Variants in POLR2D observed in about 807,000 individuals in gnomAD.
POLR2D encodes DNA-directed RNA polymerase II subunit RPB4.
POLR2D carries 10 observed loss-of-function variants against 17.6 expected under a neutral mutation model. The observed-to-expected ratio is 0.57, with a 90% confidence interval of 0.35 to 0.96. The LOEUF is 0.96. Ranked by LOEUF, POLR2D falls within the 40% of genes least tolerant of loss-of-function variation. The pLI, the probability that POLR2D is intolerant of heterozygous loss-of-function variation, is 0.02. For missense variants in POLR2D, 126 were observed against 176.4 expected, an observed-to-expected ratio of 0.71 and a Z score of 1.62; for synonymous variants, 52 against 60.2, an observed-to-expected ratio of 0.86 and a Z score of 0.63.
rs1268955916 is a variant in POLR2D, at chr2:127,850,696, G to T, written c.255-11C>A. ...TTCTGGAGTAGCAAGCTAATCAAAA[G>T]GAAAAAAAAAAAATCAAAATAATCA... On this transcript the variant is annotated splice_polypyrimidine_tract_variant and intron_variant, in intron 2 of 3. Transcript: ENST00000272645. The T allele has an allele frequency of 3.3e-6, 4 of 1,204,770 alleles. No homozygotes were observed. Among genetic ancestry groups the T allele is most frequent in the South Asian group, 1.5e-5 (1 of 68,218 alleles). 74.6% of individuals were successfully genotyped at this position (1,204,770 alleles called of 1,614,324 possible).
chr2:127,849,823 A>G (rs1690220984), intron 3 of POLR2D, among the ~76,000 whole-genome samples: 1 of 151,926 alleles, frequency 6.6e-6, no homozygotes, highest in African/African-American at 2.4e-5. Context: ...AGGCAGGCAG[A>G]TCACTTGAGG....
rs1573520064 is a variant in POLR2D at position 127,853,223 on chromosome 2, C to G, written c.74-118G>C. On this transcript the variant is annotated intron_variant, in intron 1 of 3. Transcript: ENST00000272645. ...TGCAGAAATCGAGGGGTTTCCTACT[C>G]CACATCTGCTTTTTTTTGAACTTTT... The G allele has an allele frequency of 2.3e-5, 18 of 779,838 alleles. No individual in the cohort carries two copies. In the East Asian group the frequency reaches 4.5e-4, roughly 20 times the overall value. The allele number at this position is 779,838 out of a possible 1,614,324, so 48.3% of individuals were successfully genotyped here.
In POLR2D at chr2:127,847,067, T is replaced by C. The variant is rs1690169923; in HGVS notation, c.*1040A>G. ...GTTGTGGACCTCTTTGGCACGACCA[T>C]TGCTTCTTCTTTGTTATCTTGGAGG... On this transcript the variant is annotated 3_prime_UTR_variant, in exon 4 of 4. Coordinates refer to ENST00000272645, the MANE Select transcript of POLR2D (RefSeq NM_004805.4). 1 of 152,552 alleles carries C rather than the reference T, an allele frequency of 6.6e-6. No homozygotes were observed. Among genetic ancestry groups the C allele is most frequent in the Admixed American group, 6.5e-5 (1 of 15,276 alleles). The allele number at this position is 152,552 out of a possible 1,614,324, so 9.4% of individuals were successfully genotyped here.
At position 127,858,017 on chromosome 2, in the gene POLR2D, C is replaced by T; in HGVS notation, c.73+11G>A. The T allele has an allele frequency of 1.9e-6, 3 of 1,577,800 alleles. No homozygotes were observed. Among genetic ancestry groups the T allele is most frequent in the Non-Finnish European group, 2.6e-6 (3 of 1,164,724 alleles). On this transcript the variant is annotated intron_variant, in intron 1 of 3. Transcript: ENST00000272645. ...AGTGGCGCGGGGGAGTCTGGCAGCC[C>T]CGAGCCCAACCTTTAGGAAAGATGA...
chr2:127,850,898 C>T (rs2104723723), intron 2 of POLR2D, among the ~76,000 whole-genome samples: 1 of 152,186 alleles, frequency 6.6e-6, no homozygotes, highest in South Asian at 2.1e-4. Context: ...CCAGCCTGAG[C>T]ACCATGGCGA....
intron 1 of POLR2D, among the ~76,000 whole-genome samples, 175 bp from the exon 2 acceptor site, chr2:127,853,280 T>C (rs1356199681): frequency 6.6e-6 from 1 of 152,232 alleles, no homozygotes; most frequent in Non-Finnish European, 1.5e-5. Flanking sequence ...TGCAGGTCTG[T>C]ACTACAGGGA....
intron 3 of POLR2D, 140 bp downstream of exon 3, chr2:127,850,440 CAAAAAAAAAA>C (rs60975701): frequency 5.3e-4 from 57 of 108,468 alleles, no homozygotes; most frequent in African/African-American, 3.2e-3. Context: ...AACTCCGTCT[CAAAAAAAAAA>C]AAAAAAAAAA....
At chr2:127,853,765 G>A (rs773240823) in intron 1 of POLR2D, among the ~76,000 whole-genome samples, 34 of 152,044 alleles carry the variant, frequency 2.2e-4, no homozygotes, top group Non-Finnish European at 3.7e-4. Flanking sequence ...TGCCCAGGCT[G>A]GGATCTCCTT....
In POLR2D at chr2:127,848,026, G is replaced by T; in HGVS notation, c.*81C>A. 1.0e-6 allele frequency: 1 copy of T among 966,234 alleles called. No homozygotes were observed. The highest frequency in any genetic ancestry group is 1.7e-6 in the Non-Finnish European group (1 of 592,094). 59.9% of individuals were successfully genotyped at this position (966,234 alleles called of 1,614,324 possible). A position where few individuals can be genotyped will look rare whatever the true frequency, so the allele number is the denominator to read the frequency against. ...CTCAACTGTCTTCAACAGAATTTCT[G>T]TGCAAGTCAGCCCCAGACAGTGGGA... On this transcript the variant is annotated 3_prime_UTR_variant, in exon 4 of 4. Transcript: ENST00000272645.
chr2:127,852,089 A>G lies in POLR2D; in HGVS notation c.254+836T>C, dbSNP rs1216946399. Among the ~76,000 whole-genome samples, 1 of 152,172 alleles carries G rather than the reference A, an allele frequency of 6.6e-6. No individual in the cohort carries two copies. The highest frequency in any genetic ancestry group is 1.5e-5 in the Non-Finnish European group (1 of 68,024). ...CAGGCATGAGCCACTGCACCCGGCCAATCCCAGCACTTTGGGGGGCTAAGG... is the reference window on the plus strand; with the variant it reads ...CAGGCATGAGCCACTGCACCCGGCCGATCCCAGCACTTTGGGGGGCTAAGG... On this transcript the variant is annotated intron_variant, in intron 2 of 3. Coordinates refer to ENST00000272645, the MANE Select transcript of POLR2D (RefSeq NM_004805.4). The surrounding 1 kb of genome is among the most constrained non-coding windows in gnomAD (Gnocchi z 4.0).
intron 1 of POLR2D, among the ~76,000 whole-genome samples, chr2:127,856,655 A>C (rs917844470): frequency 2.6e-5 from 4 of 152,222 alleles, no homozygotes; most frequent in African/African-American, 9.6e-5. Context: ...TAACGTATTA[A>C]ACCATAAAAT....
At chr2:127,855,306 T>C (rs1395511475) in intron 1 of POLR2D, among the ~76,000 whole-genome samples, 3 of 150,388 alleles carry the variant, frequency 2.0e-5, no homozygotes, top group Non-Finnish European at 2.9e-5. Context: ...GGCAGGAGAA[T>C]TGCTTGAACC....
intron 1 of POLR2D, among the ~76,000 whole-genome samples, chr2:127,854,840 T>A (rs529292350): frequency 2.0e-5 from 3 of 152,102 alleles, no homozygotes; most frequent in Non-Finnish European, 2.9e-5. Flanking sequence ...TGAGAGCCTA[T>A]TTGTATACCA....
intron 1 of POLR2D, among the ~76,000 whole-genome samples, chr2:127,856,290 C>CAAAAAAAAAAA (rs61249327): frequency 0.022 from 546 of 25,358 alleles, 124 homozygotes; most frequent in Non-Finnish European, 0.03. Flanking sequence ...GATCCCGTCT[C>CAAAAAAAAAAA]AAAAAAAAAA....
intron 2 of POLR2D, 152 bp from the exon 3 acceptor site, chr2:127,850,837 A>T (rs1461825133): frequency 1.7e-6 from 1 of 591,324 alleles, no homozygotes; most frequent in Non-Finnish European, 3.1e-6. Context: ...CTGTAATTCC[A>T]GCACTCTGAG....
At position 127,852,924 on chromosome 2, in the gene POLR2D, C is replaced by T. The variant is rs752903468; in HGVS notation, c.254+1G>A. On this transcript the variant is annotated splice_donor_variant, in intron 2 of 3. Transcript: ENST00000272645. LOFTEE classifies it high-confidence loss of function. This position sits in a 1 kb window ranked among gnomAD's most constrained non-coding sequence, Gnocchi z 4.0. ...AATAAAAACTTTCTTTTAGCACTCA[C>T]CTACGAACACTGGCAATGGTCTCTC... is the stretch of plus-strand genomic sequence containing the variant. The T allele has an allele frequency of 1.9e-6, 3 of 1,611,632 alleles. No individual in the cohort carries two copies. Among genetic ancestry groups the T allele is most frequent in the Non-Finnish European group, 2.5e-6 (3 of 1,178,124 alleles).
intron 2 of POLR2D, among the ~76,000 whole-genome samples, chr2:127,851,066 C>A (rs887536505): frequency 9.9e-5 from 15 of 152,030 alleles, no homozygotes; most frequent in Non-Finnish European, 1.3e-4. Flanking sequence ...ACTAAAAACA[C>A]AAAAATTAGC....
chr2:127,853,487 T>G (rs1022436665), intron 1 of POLR2D, among the ~76,000 whole-genome samples: 4 of 152,214 alleles, frequency 2.6e-5, no homozygotes, highest in African/African-American at 9.6e-5. Flanking sequence ...CTTTTGTTCC[T>G]GTGTTAATTG....
intron 3 of POLR2D, among the ~76,000 whole-genome samples, chr2:127,849,777 C>A (rs1384020210): frequency 6.6e-6 from 1 of 151,988 alleles, no homozygotes; most frequent in Non-Finnish European, 1.5e-5. Flanking sequence ...CTGGGCACCG[C>A]GGCTCATGCC....
Sources: allele counts gnomAD v4.1 joint callset (sites outside exome capture counted in the v4.1 genomes callset), GRCh38; gene constraint gnomAD v4.1.1; non-coding constraint Gnocchi (gnomAD v3.1); transcripts MANE v1.5; gene names NCBI Gene and HGNC (gene_info 2026-07-23, HGNC 2026-07-21).